Variants in PSME4 observed in about 807,000 individuals in gnomAD.
PSME4 encodes the protein proteasome activator subunit 4, also known as proteasome activator complex subunit 4.
A neutral mutation model predicts 253.9 loss-of-function variants in PSME4; 89 were observed. That is an observed-to-expected ratio of 0.35 (90% confidence interval 0.30 to 0.42). PSME4 has a LOEUF of 0.42. PSME4 is among the 10% of genes least tolerant of loss of function. The probability of loss-of-function intolerance (pLI) is 1.00; values close to 1 mark genes in which losing one functional copy is unlikely to be tolerated. For synonymous variants in PSME4, 851 were observed against 759.2 expected, an observed-to-expected ratio of 1.12 and a Z score of -1.99; for missense variants, 2,014 against 2,195.2, an observed-to-expected ratio of 0.92 and a Z score of 1.65.
intron 1 of PSME4, among the ~76,000 whole-genome samples, chr2:53,966,943 C>A (rs765241251): frequency 1.1e-4 from 17 of 152,144 alleles, no homozygotes; most frequent in Non-Finnish European, 4.4e-5. Flanking sequence ...CGTGATCCGT[C>A]TGCCTCGGCC....
At chr2:53,868,521 T>TA (rs1678699547) in intron 44 of PSME4, among the ~76,000 whole-genome samples, 2 of 57,996 alleles carry the variant, frequency 3.4e-5, no homozygotes, top group African/African-American at 1.1e-4. Context: ...AATATATTTA[T>TA]AATATATATA....
intron 42 of PSME4, among the ~76,000 whole-genome samples, 153 bp downstream of exon 42, chr2:53,875,474 T>G (rs1031426097): frequency 6.6e-6 from 1 of 152,204 alleles, no homozygotes; most frequent in African/African-American, 2.4e-5. Context: ...AGAATCTAGG[T>G]CTGTTTCTTT....
At chr2:53,882,107 A>G (rs568480724) in intron 41 of PSME4, among the ~76,000 whole-genome samples, 4 of 152,146 alleles carry the variant, frequency 2.6e-5, no homozygotes, top group African/African-American at 9.6e-5. Context: ...GATAAATAAG[A>G]TTTTTAACAG....
intron 14 of PSME4, 125 bp from the exon 15 acceptor site, chr2:53,923,544 C>G: frequency 1.6e-6 from 2 of 1,238,424 alleles, no homozygotes; most frequent in African/African-American, 3.1e-5. Flanking sequence ...AATTTTTAAC[C>G]ATCTGATTTT....
At chr2:53,954,487 T>A (rs1482226939) in intron 1 of PSME4, among the ~76,000 whole-genome samples, 1 of 152,074 alleles carries the variant, frequency 6.6e-6, no homozygotes, top group East Asian at 1.9e-4. Flanking sequence ...TTATACATAT[T>A]TAAAAATGTA....
At chr2:53,953,049 G>C (rs1435539572) in intron 1 of PSME4, among the ~76,000 whole-genome samples, 4 of 152,154 alleles carry the variant, frequency 2.6e-5, no homozygotes, top group Admixed American at 6.5e-5. Flanking sequence ...GGGGATTCCT[G>C]GAAAGCCTAG....
chr2:53,894,863 A>C, intron 34 of PSME4, 144 bp downstream of exon 34: 2 of 659,806 alleles, frequency 3.0e-6, no homozygotes, highest in Non-Finnish European at 5.1e-6. Context: ...TGGATTACAT[A>C]GTCACCAATA....
At chr2:53,875,489 AAT>A (rs1679076908) in intron 42 of PSME4, 136 bp downstream of exon 42, 2 of 770,424 alleles carry the variant, frequency 2.6e-6, no homozygotes, top group African/African-American at 1.8e-5. Flanking sequence ...TTCTTTGGTC[AAT>A]ATATATGTCT....
At chr2:53,939,143 T>G (rs1303789239) in intron 4 of PSME4, among the ~76,000 whole-genome samples, 5 of 152,162 alleles carry the variant, frequency 3.3e-5, no homozygotes, top group African/African-American at 1.2e-4. Flanking sequence ...GAGACAGATA[T>G]CTCATATTCC....
At chr2:53,899,212 G>A (rs1057064160) in intron 29 of PSME4, among the ~76,000 whole-genome samples, 2 of 151,814 alleles carry the variant, frequency 1.3e-5, no homozygotes, top group Non-Finnish European at 2.9e-5. Flanking sequence ...CTGTAGGCGC[G>A]TGCCACCATG....
intron 1 of PSME4, among the ~76,000 whole-genome samples, chr2:53,954,125 C>T (rs918221736): frequency 1.3e-5 from 2 of 151,778 alleles, no homozygotes; most frequent in East Asian, 1.9e-4. Context: ...GTCAGGAGTT[C>T]GAGATCAGCC....
chr2:53,937,535 A>C lies in PSME4; in HGVS notation c.551T>G (p.Phe184Cys). 1 of 1,610,218 alleles carries C rather than the reference A, an allele frequency of 6.2e-7. No homozygotes were observed. The highest frequency in any genetic ancestry group is 8.5e-7 in the Non-Finnish European group (1 of 1,178,956). ...CATCTCAGCGGTGGCATCTGCTGGAAAATATCTAATAAAAAAAGAAGGTTT... is the reference window on the plus strand; with the variant it reads ...CATCTCAGCGGTGGCATCTGCTGGACAATATCTAATAAAAAAAGAAGGTTT... ...KTLVKSCRPY[F>C]PADATAEMLE... The change falls in exon 5 of 47, where the codon TTT becomes TGT. Residue 184 changes from phenylalanine to cysteine, a missense_variant. By Grantham distance (205) the Phe-to-Cys change is radical. Around this residue, in one of 4 missense-constraint regions of PSME4, gnomAD observed 615 missense variants for 594.4 expected, o/e 1.03. Coordinates refer to ENST00000404125, the MANE Select transcript of PSME4 (RefSeq NM_014614.3).
chr2:53,950,418 G>A (rs1341577381), intron 1 of PSME4, among the ~76,000 whole-genome samples: 2 of 152,118 alleles, frequency 1.3e-5, no homozygotes, highest in East Asian at 3.8e-4. Flanking sequence ...GTTTCTAACA[G>A]TTAACTTATA....
At chr2:53,901,627 C>T (rs1680404627) in intron 27 of PSME4, 68 bp from the exon 28 acceptor site, 1 of 1,315,240 alleles carries the variant, frequency 7.6e-7, no homozygotes, top group Non-Finnish European at 1.1e-6. Context: ...GTAGCCAATG[C>T]ACCTATGTAT....
chr2:53,965,988 A>T (rs1049146101), intron 1 of PSME4, among the ~76,000 whole-genome samples: 7 of 152,074 alleles, frequency 4.6e-5, no homozygotes, highest in Non-Finnish European at 1.0e-4. Flanking sequence ...TGGTTTTTTA[A>T]CACTCCACTA....
At chr2:53,920,847 A>T (rs1668281766) in intron 18 of PSME4, 42 bp downstream of exon 18, 1 of 1,497,922 alleles carries the variant, frequency 6.7e-7, no homozygotes, top group African/African-American at 1.4e-5. Context: ...TAAAACAAAA[A>T]ATCAACATAT....
chr2:53,940,998 T>TATATGTATATGA lies in PSME4; in HGVS notation c.501-999_501-998insTCATATACATAT, dbSNP rs1553338492. Among the ~76,000 whole-genome samples, 43 of 85,910 alleles carry TATATGTATATGA rather than the reference T, an allele frequency of 5.0e-4. 4 individuals carry two copies. The highest frequency in any genetic ancestry group is 7.9e-4 in the Non-Finnish European group (32 of 40,438). The allele number at this position is 85,910 out of a possible 152,430, so 56.4% of individuals were successfully genotyped here. On this transcript the variant is annotated intron_variant, in intron 3 of 46. Transcript: ENST00000404125. The stretch of plus-strand genomic sequence containing the variant: ...ATATATATATATATATATATATATA[T>TATATGTATATGA]ATGAAAGGAGTAAGTTTCAGGCAAT...
chr2:53,897,167 G>GTTTTTT (rs1056577962), intron 31 of PSME4, among the ~76,000 whole-genome samples: 1 of 122,196 alleles, frequency 8.2e-6, no homozygotes, highest in Admixed American at 8.7e-5. Flanking sequence ...TAGCCTCAGG[G>GTTTTTT]TTTTTTTTTT....
At chr2:53,929,466 T>C (rs1388793170) in intron 10 of PSME4, among the ~76,000 whole-genome samples, 1 of 152,120 alleles carries the variant, frequency 6.6e-6, no homozygotes, top group Non-Finnish European at 1.5e-5. Flanking sequence ...CTAACTTTTG[T>C]ATTTTTTTTG....
Sources: gnomAD v4.1 joint callset for allele counts (sites outside exome capture counted in the v4.1 genomes callset) on GRCh38, gnomAD v4.1.1 for gene constraint, gnomAD v4.1.1 regional missense constraint, MANE v1.5 for transcripts, NCBI Gene and HGNC (gene_info 2026-07-23, HGNC 2026-07-21) for gene names.